Variants in BCAS3 observed in about 807,000 individuals in gnomAD.
The protein encoded by BCAS3 is BCAS3 microtubule associated cell migration factor, also known as BCAS4/BCAS3 fusion.
BCAS3 carries 53 observed loss-of-function variants against 116.1 expected under a neutral mutation model. The ratio of observed to expected loss-of-function variants is 0.46; its 90% CI spans 0.37 to 0.57. The LOEUF is 0.57. Among genes scored for constraint, BCAS3 ranks in the 20% least tolerant of loss-of-function variants. The pLI is 0.00. For synonymous variants in BCAS3, 391 were observed against 408.2 expected (o/e 0.96, Z 0.51); for missense variants, 917 against 1,165.4 (o/e 0.79, Z 3.10).
intron 22 of BCAS3, among the ~76,000 whole-genome samples, chr17:61,191,356 A>G (rs2080100425): frequency 6.6e-6 from 1 of 152,244 alleles, no homozygotes; most frequent in Non-Finnish European, 1.5e-5. Flanking sequence ...AGGTGATAGG[A>G]CAATAATAAA....
intron 6 of BCAS3, among the ~76,000 whole-genome samples, chr17:60,787,614 G>C (rs758796736): frequency 2.0e-5 from 3 of 152,156 alleles, no homozygotes; most frequent in Non-Finnish European, 4.4e-5. Flanking sequence ...GTTCTGTTAA[G>C]TGCTGTGAAG....
At chr17:60,717,510 C>T (rs1568089987) in intron 5 of BCAS3, among the ~76,000 whole-genome samples, 1 of 152,068 alleles carries the variant, frequency 6.6e-6, no homozygotes, top group African/African-American at 2.4e-5. Flanking sequence ...GCCACCATGC[C>T]CGGCAGAATA....
At position 60,990,986 on chromosome 17, in the gene BCAS3, T is replaced by C. The variant is rs181595078; in HGVS notation, c.1486+751T>C. Among the ~76,000 whole-genome samples the C allele has an allele frequency of 4.7e-3, 714 of 152,284 alleles. 7 individuals carry two copies. The highest frequency in any genetic ancestry group is 0.016 in the African/African-American group (678 of 41,562). On this transcript the variant is annotated intron_variant, in intron 15 of 23. Transcript: ENST00000407086. This position sits in a 1 kb window ranked among gnomAD's most constrained non-coding sequence, Gnocchi z 5.1. ...AATGGGATTGGCGGGATTTCTGCTGTGTATCTCAGTAATTTATCTTAGAGC... is the reference window on the plus strand; with the variant it reads ...AATGGGATTGGCGGGATTTCTGCTGCGTATCTCAGTAATTTATCTTAGAGC...
chr17:61,268,653 G>A (rs567755660), intron 22 of BCAS3, among the ~76,000 whole-genome samples: 1 of 151,968 alleles, frequency 6.6e-6, no homozygotes, highest in South Asian at 2.1e-4. Context: ...CGGCTCCTGG[G>A]TTCATGCAAT....
chr17:61,123,481 A>G (rs1282259917), intron 22 of BCAS3, among the ~76,000 whole-genome samples: 1 of 152,184 alleles, frequency 6.6e-6, no homozygotes, highest in Non-Finnish European at 1.5e-5. Flanking sequence ...GATAATATAT[A>G]CTATAGACAA....
At chr17:60,856,284 A>G (rs1230731438) in intron 7 of BCAS3, among the ~76,000 whole-genome samples, 1 of 152,210 alleles carries the variant, frequency 6.6e-6, no homozygotes, top group Non-Finnish European at 1.5e-5. Flanking sequence ...TGTGGAGAAT[A>G]GGTTGATAGG....
intron 8 of BCAS3, among the ~76,000 whole-genome samples, chr17:60,873,185 A>T (rs1186419668): frequency 2.0e-5 from 3 of 152,126 alleles, no homozygotes; most frequent in Non-Finnish European, 4.4e-5. Flanking sequence ...ATACACATAT[A>T]TAGCAAATTA....
chr17:61,259,560 T>C lies in BCAS3; in HGVS notation c.2426-108767T>C, dbSNP rs113207849. On this transcript the variant is annotated intron_variant, in intron 22 of 23. Transcript: ENST00000407086. This position sits in a 1 kb window ranked among gnomAD's most constrained non-coding sequence, Gnocchi z 4.7. Reference sequence around the variant, plus strand: ...GTGAACTGCTACTCCAGAAAGCAAGTTGGTCAACAGAAGAATTTTAATGAA... The same window carrying C: ...GTGAACTGCTACTCCAGAAAGCAAGCTGGTCAACAGAAGAATTTTAATGAA... Among the ~76,000 whole-genome samples, 1 of 152,186 alleles carries C rather than the reference T, an allele frequency of 6.6e-6. No homozygotes were observed. Among genetic ancestry groups the C allele is most frequent in the Non-Finnish European group, 1.5e-5 (1 of 68,036 alleles).
chr17:60,956,983 A>G lies in BCAS3; in HGVS notation c.1221+9631A>G, dbSNP rs1342464576. Reference sequence around the variant, plus strand: ...GGAAAAAAATTCAGTATGTGTATCTAATTATACTGAATTAAGTTGTTTTGT... The same window carrying G: ...GGAAAAAAATTCAGTATGTGTATCTGATTATACTGAATTAAGTTGTTTTGT... On this transcript the variant is annotated intron_variant, in intron 14 of 23. Transcript: ENST00000407086. This position sits in a 1 kb window ranked among gnomAD's most constrained non-coding sequence, Gnocchi z 4.2. Among the ~76,000 whole-genome samples the G allele has an allele frequency of 6.6e-6, 1 of 152,198 alleles. No homozygotes were observed. Among genetic ancestry groups the G allele is most frequent in the African/African-American group, 2.4e-5 (1 of 41,460 alleles).
rs2060119734 is a variant in BCAS3, at chr17:61,391,326, A to G, written c.2594-651A>G. On this transcript the variant is annotated intron_variant, in intron 23 of 23. Transcript: ENST00000407086. This position sits in a 1 kb window ranked among gnomAD's most constrained non-coding sequence, Gnocchi z 7.7. The stretch of plus-strand genomic sequence containing the variant: ...AGGAGAAAGGAGGCACTTCAGGCAG[A>G]CAGGGACCCTCTCTTCATTGGAGCA... The G allele has an allele frequency of 6.6e-6, 1 of 152,356 alleles. No individual in the cohort carries two copies. The highest frequency in any genetic ancestry group is 1.5e-5 in the Non-Finnish European group (1 of 68,132). The allele number at this position is 152,356 out of a possible 1,614,324, so 9.4% of individuals were successfully genotyped here.
chr17:60,813,218 C>T (rs1346048577), intron 7 of BCAS3, among the ~76,000 whole-genome samples: 1 of 151,574 alleles, frequency 6.6e-6, no homozygotes, highest in Non-Finnish European at 1.5e-5. Context: ...CGTCTATAGA[C>T]TGTATTAAGA....
At position 61,349,353 on chromosome 17, in the gene BCAS3, T is replaced by A. The variant is rs2057694253; in HGVS notation, c.2426-18974T>A. Among the ~76,000 whole-genome samples the A allele has an allele frequency of 6.6e-6, 1 of 152,168 alleles. No homozygotes were observed. Among genetic ancestry groups the A allele is most frequent in the Non-Finnish European group, 1.5e-5 (1 of 68,026 alleles). On this transcript the variant is annotated intron_variant, in intron 22 of 23. Coordinates refer to ENST00000407086, the MANE Select transcript of BCAS3 (RefSeq NM_017679.5). This position sits in a 1 kb window ranked among gnomAD's most constrained non-coding sequence, Gnocchi z 4.7. ...GAGAATCCCCATGATCATGAGCCAC[T>A]GTTACTGATGGAACCATGTCATGAA...
chr17:61,182,343 ACTT>A (rs1281370858), intron 22 of BCAS3, among the ~76,000 whole-genome samples: 2 of 151,950 alleles, frequency 1.3e-5, no homozygotes, highest in Non-Finnish European at 2.9e-5. Context: ...GTTTTTTTTA[ACTT>A]CTTATTTTGA....
At chr17:61,158,874 G>T (rs1165695561) in intron 22 of BCAS3, among the ~76,000 whole-genome samples, 1 of 152,110 alleles carries the variant, frequency 6.6e-6, no homozygotes, top group Non-Finnish European at 1.5e-5. Flanking sequence ...TCAGAAATTT[G>T]ATTAGAAGTT....
At position 61,038,091 on chromosome 17, in the gene BCAS3, C is replaced by T. The variant is rs919481567; in HGVS notation, c.1928+37C>T. 5 of 1,573,528 alleles carry T rather than the reference C, an allele frequency of 3.2e-6. No individual in the cohort carries two copies. In the Admixed American group the frequency reaches 8.8e-5, roughly 28 times the overall value. On this transcript the variant is annotated intron_variant, in intron 18 of 23. Coordinates refer to ENST00000407086, the MANE Select transcript of BCAS3 (RefSeq NM_017679.5). ...TTTCTTTTTTTCTTTTTAACAGCTT[C>T]ATTAAGGTATAGAAGATTAAAAGCG...
In BCAS3 at chr17:61,286,152, A is replaced by G. The variant is rs1017035548; in HGVS notation, c.2426-82175A>G. 3.9e-5 allele frequency among the ~76,000 whole-genome samples: 6 copies of G among 152,276 alleles called. No homozygotes were observed. In the South Asian group the frequency reaches 1.2e-3, roughly 32 times the overall value. On this transcript the variant is annotated intron_variant, in intron 22 of 23. Coordinates refer to ENST00000407086, the MANE Select transcript of BCAS3 (RefSeq NM_017679.5). The surrounding 1 kb of genome is among the most constrained non-coding windows in gnomAD (Gnocchi z 4.8). ...ACAAAGTAGCTTAAACTCTGCACACATCTTCCTCTGGGATTTCTTTGCAGC... is the reference window on the plus strand; with the variant it reads ...ACAAAGTAGCTTAAACTCTGCACACGTCTTCCTCTGGGATTTCTTTGCAGC...
Position 61,034,680 on chromosome 17 carries a change from C to G in BCAS3, c.1652C>G (p.Pro551Arg), listed in dbSNP as rs2066882891. Residue 551 changes from proline (P) to arginine (R), a missense_variant, in exon 17 of 24, where the codon CCT becomes CGT. Pro to Arg is a moderately radical substitution (Grantham distance 103). Coordinates refer to ENST00000407086, the MANE Select transcript of BCAS3 (RefSeq NM_017679.5). The surrounding 1 kb of genome is among the most constrained non-coding windows in gnomAD (Gnocchi z 5.0). ...ITKRTGKVKP[P>R]PQISPSKSMG... is the part of the protein sequence containing the mutation. ...TATTTTTTAAGCAAAGTTAAACCTCCTCCACAAATTTCACCCAGCAAATCG... is the reference window on the plus strand; with the variant it reads ...TATTTTTTAAGCAAAGTTAAACCTCGTCCACAAATTTCACCCAGCAAATCG... 6.2e-7 allele frequency: 1 copy of G among 1,607,790 alleles called. No individual in the cohort carries two copies. Among genetic ancestry groups the G allele is most frequent in the African/African-American group, 1.3e-5 (1 of 74,726 alleles).
rs2077561371 is a variant in BCAS3, at chr17:61,151,898, T to G, written c.2425+67334T>G. ...GAATGTTCCTAAAATGCACCAGACTTACTATAAGAAGTATGGCAAGCACCA... is the reference window on the plus strand; with the variant it reads ...GAATGTTCCTAAAATGCACCAGACTGACTATAAGAAGTATGGCAAGCACCA... On this transcript the variant is annotated intron_variant, in intron 22 of 23. Coordinates refer to ENST00000407086, the MANE Select transcript of BCAS3 (RefSeq NM_017679.5). This position sits in a 1 kb window ranked among gnomAD's most constrained non-coding sequence, Gnocchi z 4.8. Among the ~76,000 whole-genome samples, 1 of 152,172 alleles carries G rather than the reference T, an allele frequency of 6.6e-6. No homozygotes were observed. Among genetic ancestry groups the G allele is most frequent in the Non-Finnish European group, 1.5e-5 (1 of 68,040 alleles).
rs536160928 is a variant in BCAS3, at chr17:60,829,755, A to G, written c.476+21679A>G. Among the ~76,000 whole-genome samples the G allele has an allele frequency of 1.8e-4, 27 of 152,104 alleles. 1 individual carries two copies. Among genetic ancestry groups the G allele is most frequent in the Admixed American group, 1.6e-3 (25 of 15,272 alleles). Reference sequence around the variant, plus strand: ...TGTTAGATATTTCCAAGCAGTTTTTATTGTTCCATGAACCTTTATTTATTG... The same window carrying G: ...TGTTAGATATTTCCAAGCAGTTTTTGTTGTTCCATGAACCTTTATTTATTG... On this transcript the variant is annotated intron_variant, in intron 7 of 23. Transcript: ENST00000407086.
Sources: gnomAD v4.1 joint callset for allele counts (sites outside exome capture counted in the v4.1 genomes callset) on GRCh38, gnomAD v4.1.1 for gene constraint, Gnocchi (gnomAD v3.1) non-coding constraint, MANE v1.5 for transcripts, NCBI Gene and HGNC (gene_info 2026-07-23, HGNC 2026-07-21) for gene names.